CRIM1: variants seen among roughly 807,000 people sequenced by gnomAD.
CRIM1 encodes cysteine rich transmembrane BMP regulator 1.
A neutral mutation model predicts 116.4 loss-of-function variants in CRIM1; 32 were observed. That is an observed-to-expected ratio of 0.27 (90% CI 0.21 to 0.37). The LOEUF is 0.37. Ranked by LOEUF, CRIM1 falls within the 10% of genes least tolerant of loss-of-function variation. The pLI is 1.00. For missense variants in CRIM1, 1,331 were observed against 1,354.8 expected, an observed-to-expected ratio of 0.98 and a Z score of 0.28; for synonymous variants, 590 against 509.2, an observed-to-expected ratio of 1.16 and a Z score of -2.13.
At chr2:36,497,352 C>A (rs915094449) in intron 7 of CRIM1, among the ~76,000 whole-genome samples, 1 of 152,124 alleles carries the variant, frequency 6.6e-6, no homozygotes. Flanking sequence ...TACGCTCTCT[C>A]ATATTTGTGG....
chr2:36,471,013 A>G (rs991635686), intron 5 of CRIM1, among the ~76,000 whole-genome samples: 2 of 152,220 alleles, frequency 1.3e-5, no homozygotes, highest in Non-Finnish European at 2.9e-5. Flanking sequence ...CAGTGGAAGA[A>G]GTAACTGCAG....
rs139610420 is a variant in CRIM1 at position 36,362,728 on chromosome 2, A to G, written c.331+6105A>G. On this transcript the variant is annotated intron_variant, in intron 1 of 16. Coordinates refer to ENST00000280527, the MANE Select transcript of CRIM1 (RefSeq NM_016441.3). ...ATGTAAGAATACCCTCAAGGTAAACACTAAACTCTTACGTGTTTTATCTTG... is the reference window on the plus strand; with the variant it reads ...ATGTAAGAATACCCTCAAGGTAAACGCTAAACTCTTACGTGTTTTATCTTG... 6.6e-5 allele frequency among the ~76,000 whole-genome samples: 10 copies of G among 152,322 alleles called. No homozygotes were observed. In the East Asian group the frequency reaches 1.7e-3, roughly 26 times the overall value.
intron 4 of CRIM1, among the ~76,000 whole-genome samples, chr2:36,450,195 A>G (rs893143935): frequency 6.6e-6 from 1 of 152,112 alleles, no homozygotes; most frequent in African/African-American, 2.4e-5. Flanking sequence ...TGCCTTGGTA[A>G]ATGTGCTGGA....
In CRIM1 at chr2:36,547,157, C is replaced by CG; in HGVS notation, c.2921dup (p.Thr975AsnfsTer4). 1 of 1,611,360 alleles carries CG rather than the reference C, an allele frequency of 6.2e-7. No homozygotes were observed. The highest frequency in any genetic ancestry group is 8.5e-7 in the Non-Finnish European group (1 of 1,178,466). ...GTGGATACCACTGCTTTGCTGGTAT[C>CG]GAACACCAACTAAGGTACTGTCTTG... is the stretch of plus-strand genomic sequence containing the variant. On this transcript the variant is annotated frameshift_variant, in exon 16 of 17. Transcript: ENST00000280527. LOFTEE classifies it high-confidence loss of function.
chr2:36,373,166 C>T (rs1236846996), intron 1 of CRIM1, among the ~76,000 whole-genome samples: 4 of 152,116 alleles, frequency 2.6e-5, no homozygotes, highest in Non-Finnish European at 5.9e-5. Flanking sequence ...CATGATCCCA[C>T]AGTTAAATCG....
intron 14 of CRIM1, among the ~76,000 whole-genome samples, chr2:36,543,856 G>A (rs998524326): frequency 1.3e-5 from 2 of 152,050 alleles, no homozygotes; most frequent in African/African-American, 4.8e-5. Flanking sequence ...GGACATCTGA[G>A]ACTTATACTC....
At chr2:36,373,229 T>C (rs1263508386) in intron 1 of CRIM1, among the ~76,000 whole-genome samples, 2 of 152,198 alleles carry the variant, frequency 1.3e-5, no homozygotes, top group African/African-American at 4.8e-5. Context: ...TAGCACACTT[T>C]TCCTCAGACA....
intron 1 of CRIM1, among the ~76,000 whole-genome samples, chr2:36,392,079 T>G (rs73922901): frequency 0.012 from 1,779 of 152,346 alleles, 37 homozygotes; most frequent in African/African-American, 0.041. Context: ...TGCTGCATAC[T>G]GAAGTACAGA....
intron 1 of CRIM1, among the ~76,000 whole-genome samples, chr2:36,384,518 G>A (rs975616133): frequency 1.3e-5 from 2 of 152,210 alleles, no homozygotes; most frequent in African/African-American, 2.4e-5. Flanking sequence ...TGAAAAACGT[G>A]TAAATATGTT....
chr2:36,535,288 C>G (rs1035781297), intron 13 of CRIM1, among the ~76,000 whole-genome samples: 16 of 152,082 alleles, frequency 1.1e-4, no homozygotes, highest in Admixed American at 5.9e-4. Flanking sequence ...TTAAATTAGG[C>G]ATCATTGGAT....
intron 2 of CRIM1, among the ~76,000 whole-genome samples, chr2:36,424,524 T>C (rs1674306036): frequency 6.6e-6 from 1 of 152,218 alleles, no homozygotes; most frequent in Admixed American, 6.5e-5. Flanking sequence ...GGCCATGGTA[T>C]GCTCATCCAC....
At chr2:36,372,718 A>G (rs1434519876) in intron 1 of CRIM1, among the ~76,000 whole-genome samples, 1 of 152,172 alleles carries the variant, frequency 6.6e-6, no homozygotes, top group South Asian at 2.1e-4. Context: ...TGCTCATCTC[A>G]TACCTGATGG....
chr2:36,407,124 G>A lies in CRIM1; in HGVS notation c.505+10337G>A, dbSNP rs377728489. On this transcript the variant is annotated intron_variant, in intron 2 of 16. Transcript: ENST00000280527. ...ATCAAAGGTACTTGTTTATAAGGCAGTAAGACCATTATGCAACTTTAAATT... is the reference window on the plus strand; with the variant it reads ...ATCAAAGGTACTTGTTTATAAGGCAATAAGACCATTATGCAACTTTAAATT... 2.0e-4 allele frequency among the ~76,000 whole-genome samples: 31 copies of A among 152,264 alleles called. 1 individual carries two copies. In the East Asian group the frequency reaches 3.7e-3, roughly 18 times the overall value.
At chr2:36,438,344 C>CA in intron 2 of CRIM1, among the ~76,000 whole-genome samples, 1 of 152,228 alleles carries the variant, frequency 6.6e-6, no homozygotes, top group African/African-American at 2.4e-5. Context: ...CAATCAAAGT[C>CA]ACAAAGCTTT....
At chr2:36,398,333 T>A (rs1672183011) in intron 2 of CRIM1, among the ~76,000 whole-genome samples, 1 of 152,186 alleles carries the variant, frequency 6.6e-6, no homozygotes, top group Admixed American at 6.5e-5. Context: ...CACTGCCACC[T>A]AAGTTGTTTG....
chr2:36,482,666 G>C (rs1186449000), intron 7 of CRIM1, among the ~76,000 whole-genome samples: 2 of 152,192 alleles, frequency 1.3e-5, no homozygotes, highest in Non-Finnish European at 2.9e-5. Context: ...TATTTACTTA[G>C]TTTATACACA....
chr2:36,449,913 A>G (rs1451816322), intron 4 of CRIM1, among the ~76,000 whole-genome samples: 1 of 152,172 alleles, frequency 6.6e-6, no homozygotes. Context: ...AGCAAAATGA[A>G]ATAAACTACT....
intron 7 of CRIM1, among the ~76,000 whole-genome samples, chr2:36,484,741 T>C (rs1412312362): frequency 2.6e-5 from 4 of 152,182 alleles, no homozygotes; most frequent in African/African-American, 9.7e-5. Context: ...ATGATTTTGA[T>C]GACCTTAGGG....
chr2:36,511,627 CTTTGT>C (rs765293039), intron 9 of CRIM1, among the ~76,000 whole-genome samples: 2 of 152,176 alleles, frequency 1.3e-5, no homozygotes, highest in African/African-American at 4.8e-5. Context: ...GTAGATTTCA[CTTTGT>C]ATTCCTGTCA....
Sources: gnomAD v4.1 joint callset for allele counts (sites outside exome capture counted in the v4.1 genomes callset) on GRCh38, gnomAD v4.1.1 for gene constraint, MANE v1.5 for transcripts, NCBI Gene and HGNC (gene_info 2026-07-23, HGNC 2026-07-21) for gene names.